Variants in MTMR1 observed in about 807,000 individuals in gnomAD.
MTMR1 encodes myotubularin related protein 1, also known as phosphatidylinositol-3-phosphate phosphatase MTMR1.
In MTMR1, 17 loss-of-function variants were observed where a neutral mutation model predicts 51.6. The ratio of observed to expected loss-of-function variants is 0.33; its 90% CI spans 0.23 to 0.49. The LOEUF is 0.49. Among genes scored for constraint, MTMR1 ranks in the 20% least tolerant of loss-of-function variants. MTMR1 has a pLI of 0.99. For synonymous variants in MTMR1, 201 were observed against 205.6 expected, an observed-to-expected ratio of 0.98 and a Z score of 0.19; for missense variants, 386 against 526.9, an observed-to-expected ratio of 0.73 and a Z score of 2.62.
At chrX:150,730,298 T>C in intron 7 of MTMR1, 88 bp downstream of exon 7, 1 of 694,800 alleles carries the variant, frequency 1.4e-6, no homozygotes, top group East Asian at 3.7e-5. Flanking sequence ...CAGAGGTTTT[T>C]TTTTTTCCTC....
chrX:150,722,553 A>C (rs2041784045), intron 4 of MTMR1, among the ~76,000 whole-genome samples: 1 of 111,586 alleles, frequency 9.0e-6, no homozygotes, highest in Admixed American at 9.5e-5. Context: ...GCTTTTAAAA[A>C]ATTTTACTAA....
At chrX:150,739,975 G>C (rs782252751) in intron 12 of MTMR1, among the ~76,000 whole-genome samples, 9 of 111,799 alleles carry the variant, frequency 8.1e-5, no homozygotes, top group Admixed American at 5.7e-4. Flanking sequence ...AGGGCTTCCA[G>C]CTGAGGCTGA....
At chrX:150,714,917 C>T (rs781868729) in intron 3 of MTMR1, among the ~76,000 whole-genome samples, 1 of 111,779 alleles carries the variant, frequency 8.9e-6, no homozygotes, top group Non-Finnish European at 1.9e-5. Flanking sequence ...CAACACAGTA[C>T]CTGGTACCAT....
At chrX:150,760,994 A>T (rs1053891705) in intron 15 of MTMR1, among the ~76,000 whole-genome samples, 2 of 110,298 alleles carry the variant, frequency 1.8e-5, no homozygotes, top group Admixed American at 9.6e-5. Context: ...CAGCTGGTGA[A>T]GAGATGATAG....
chrX:150,742,054 G>A (rs1176047868), intron 12 of MTMR1, among the ~76,000 whole-genome samples: 1 of 112,519 alleles, frequency 8.9e-6, no homozygotes, highest in Non-Finnish European at 1.9e-5. Context: ...AGCAACCCCA[G>A]TGTCCATCAG....
At chrX:150,707,947 C>T (rs1003543606) in intron 2 of MTMR1, among the ~76,000 whole-genome samples, 2 of 111,648 alleles carry the variant, frequency 1.8e-5, no homozygotes, top group Non-Finnish European at 3.8e-5. Flanking sequence ...AAAGGAATTA[C>T]GTGAGTAAAA....
intron 6 of MTMR1, among the ~76,000 whole-genome samples, chrX:150,729,218 C>CCACACA (rs57306023): frequency 1.4e-3 from 138 of 100,121 alleles, no homozygotes; most frequent in Admixed American, 0.012. Context: ...ACACACCCAC[C>CCACACA]CACACACACA....
intron 2 of MTMR1, among the ~76,000 whole-genome samples, chrX:150,708,056 A>G (rs1557416115): frequency 8.9e-6 from 1 of 112,257 alleles, no homozygotes; most frequent in African/African-American, 3.2e-5. Context: ...AGTGGTTGCC[A>G]GGGGCCAAGA....
At chrX:150,757,965 T>G (rs1167982978) in intron 15 of MTMR1, among the ~76,000 whole-genome samples, 1 of 111,254 alleles carries the variant, frequency 9.0e-6, no homozygotes, top group Non-Finnish European at 1.9e-5. Context: ...CCGGCCTGTT[T>G]GCCTGCCTGC....
chrX:150,759,299 C>T (rs1428456878), intron 15 of MTMR1, among the ~76,000 whole-genome samples: 3 of 112,317 alleles, frequency 2.7e-5, no homozygotes, highest in African/African-American at 9.7e-5. Context: ...TCTATTTCAT[C>T]TATTTTGGCA....
chrX:150,715,338 GA>G (rs1303827033), intron 3 of MTMR1, among the ~76,000 whole-genome samples: 1 of 112,545 alleles, frequency 8.9e-6, no homozygotes, highest in Non-Finnish European at 1.9e-5. Flanking sequence ...GGAGCTGGCA[GA>G]CTTCGGCTAG....
intron 13 of MTMR1, among the ~76,000 whole-genome samples, chrX:150,748,604 G>A (rs782281933): frequency 1.8e-5 from 2 of 108,649 alleles, no homozygotes; most frequent in Non-Finnish European, 3.8e-5. Flanking sequence ...GATCACTTGA[G>A]ATCAGGAGCT....
At chrX:150,743,269 C>T (rs1557417367) in intron 12 of MTMR1, among the ~76,000 whole-genome samples, 2 of 110,691 alleles carry the variant, frequency 1.8e-5, no homozygotes, top group African/African-American at 6.6e-5. Context: ...AGCATGATGG[C>T]TCACACCTAT....
intron 6 of MTMR1, among the ~76,000 whole-genome samples, chrX:150,729,673 C>A (rs1249193480): frequency 1.8e-5 from 2 of 112,361 alleles, no homozygotes; most frequent in Non-Finnish European, 3.8e-5. Context: ...TCTAATGTAA[C>A]CCTCCACAGA....
In MTMR1 at chrX:150,736,660, C is replaced by T. The variant is rs1278023359; in HGVS notation, c.1146C>T (p.Ile382=). Residue 382 remains isoleucine (I), a synonymous_variant, in exon 11 of 16, where the codon ATC becomes ATT. Coordinates refer to ENST00000445323, the MANE Select transcript of MTMR1 (RefSeq NM_001306144.3). Reference sequence around the variant, plus strand: ...ATGCAGAACTTGTGTTCTTGGAGATCCACAACATTCATGTCATGCGAGAGT... The same window carrying T: ...ATGCAGAACTTGTGTTCTTGGAGATTCACAACATTCATGTCATGCGAGAGT... The part of the protein sequence containing the change: ...YPNAELVFLE[I]HNIHVMRESL... 8.3e-7 allele frequency: 1 copy of T among 1,209,802 alleles called. No individual in the cohort carries two copies. The highest frequency in any genetic ancestry group is 1.7e-5 in the African/African-American group (1 of 57,240).
intron 15 of MTMR1, among the ~76,000 whole-genome samples, chrX:150,757,948 T>C (rs192877606): frequency 9.0e-6 from 1 of 111,162 alleles, no homozygotes; most frequent in African/African-American, 3.3e-5. Flanking sequence ...AGACACTCGA[T>C]ACTGCACCGG....
At chrX:150,704,624 T>C (rs1392419043) in intron 2 of MTMR1, among the ~76,000 whole-genome samples, 1 of 111,812 alleles carries the variant, frequency 8.9e-6, no homozygotes, top group African/African-American at 3.3e-5. Context: ...GAGCTAGAAC[T>C]CTCACCCTTG....
At position 150,693,751 on chromosome X, in the gene MTMR1, C is replaced by T. The variant is rs1181784737; in HGVS notation, c.146+75C>T. 1.3e-5 allele frequency: 9 copies of T among 679,212 alleles called. No individual in the cohort carries two copies. The African/African-American group carries it at 2.2e-4, about 16-fold the overall frequency. 56.0% of individuals were successfully genotyped at this position (679,212 alleles called of 1,213,427 possible). A position where few individuals can be genotyped will look rare whatever the true frequency, so the allele number is the denominator to read the frequency against. ...GCCCCGCGCGAGGCCAGCCCGCCCC[C>T]TCCCCGCGCGCTGCGCAGGGCCTGG... is the stretch of plus-strand genomic sequence containing the variant. On this transcript the variant is annotated intron_variant, in intron 1 of 15. Coordinates refer to ENST00000445323, the MANE Select transcript of MTMR1 (RefSeq NM_001306144.3).
At chrX:150,714,414 CTGTT>C in intron 3 of MTMR1, 1 of 745,933 alleles carries the variant, frequency 1.3e-6, no homozygotes, top group Admixed American at 3.3e-5. Context: ...TTTCACCTGT[CTGTT>C]TGCACGTGTT....
Sources: gnomAD v4.1 joint callset for allele counts (sites outside exome capture counted in the v4.1 genomes callset) on GRCh38, gnomAD v4.1.1 for gene constraint, MANE v1.5 for transcripts, NCBI Gene and HGNC (gene_info 2026-07-23, HGNC 2026-07-21) for gene names.